DOCK3: variants seen among roughly 807,000 people sequenced by gnomAD.
DOCK3 encodes dedicator of cytokinesis 3, also known as dedicator of cytokinesis protein 3.
Under a neutral mutation model 265.6 loss-of-function variants are expected in DOCK3, and 60 were observed. That is an observed-to-expected ratio of 0.23 (90% CI 0.18 to 0.28). The LOEUF (loss-of-function observed/expected upper bound fraction) is 0.28, where lower values mean the gene tolerates loss of function less well. DOCK3 is among the 10% of genes least tolerant of loss of function. DOCK3 has a pLI of 1.00. For missense variants in DOCK3, 1,981 were observed against 2,594.3 expected, an observed-to-expected ratio of 0.76 and a Z score of 5.14; for synonymous variants, 881 against 938.0, an observed-to-expected ratio of 0.94 and a Z score of 1.11.
At chr3:51,315,603 C>G (rs2083319960) in intron 32 of DOCK3, among the ~76,000 whole-genome samples, 1 of 152,140 alleles carries the variant, frequency 6.6e-6, no homozygotes, top group African/African-American at 2.4e-5. Context: ...TGGCTTCAGG[C>G]TGTCCTCCTG....
chr3:51,157,449 T>G (rs2085907233), intron 10 of DOCK3, among the ~76,000 whole-genome samples: 1 of 152,170 alleles, frequency 6.6e-6, no homozygotes, highest in South Asian at 2.1e-4. Context: ...TTTCACCATG[T>G]TGGCCAGGCT....
chr3:50,724,482 A>G (rs2043105631), intron 1 of DOCK3, among the ~76,000 whole-genome samples: 1 of 152,254 alleles, frequency 6.6e-6, no homozygotes, highest in African/African-American at 2.4e-5. Flanking sequence ...AAAATGTAGC[A>G]CATATACACC....
rs777417594 is a variant in DOCK3, at chr3:51,075,352, C to A, written c.465-4C>A. 6.2e-7 allele frequency: 1 copy of A among 1,607,764 alleles called. No individual in the cohort carries two copies. Among genetic ancestry groups the A allele is most frequent in the South Asian group, 1.1e-5 (1 of 89,344 alleles). On this transcript the variant is annotated splice_region_variant and splice_polypyrimidine_tract_variant and intron_variant, in intron 6 of 52. Coordinates refer to ENST00000266037, the MANE Select transcript of DOCK3 (RefSeq NM_004947.5). ...ATACTGAGTGTGGTCTTTCTCTTTA[C>A]TAGACATTTGGGCCTGGACCTGGTG...
Position 51,281,274 on chromosome 3 carries a change from AATAT to A in DOCK3, c.2922+1099_2922+1102del, listed in dbSNP as rs56084027. 2.3e-3 allele frequency among the ~76,000 whole-genome samples: 284 copies of A among 125,504 alleles called. 2 individuals are homozygous for A. The highest frequency in any genetic ancestry group is 5.8e-3 in the East Asian group (27 of 4,642). 82.3% of individuals were successfully genotyped at this position (125,504 alleles called of 152,430 possible). A position where few individuals can be genotyped will look rare whatever the true frequency, so the allele number is the denominator to read the frequency against. On this transcript the variant is annotated intron_variant, in intron 27 of 52. Coordinates refer to ENST00000266037, the MANE Select transcript of DOCK3 (RefSeq NM_004947.5). The stretch of plus-strand genomic sequence containing the variant: ...ACACTAACGATAGCTGATGAGCTAA[AATAT>A]ATATATATATATATATATATATATA...
rs74864383 is a variant in DOCK3, at chr3:51,179,475, C to G, written c.1037+18773C>G. On this transcript the variant is annotated intron_variant, in intron 12 of 52. Transcript: ENST00000266037. ...GTAAACTAAGAATGTTATTCATTGC[C>G]ATTAGGAGGCCTAATGGATATCATA... is the stretch of plus-strand genomic sequence containing the variant. Among the ~76,000 whole-genome samples, 6 of 152,230 alleles carry G rather than the reference C, an allele frequency of 3.9e-5. No homozygotes were observed. The East Asian group carries it at 1.2e-3, about 29-fold the overall frequency.
chr3:50,978,519 C>T (rs566402257), intron 5 of DOCK3, among the ~76,000 whole-genome samples: 3 of 152,252 alleles, frequency 2.0e-5, no homozygotes, highest in Admixed American at 2.0e-4. Context: ...TCTCCAGCTG[C>T]GTACTGGGAG....
At chr3:50,982,811 G>A (rs7372046) in intron 5 of DOCK3, among the ~76,000 whole-genome samples, 125,785 of 152,090 alleles carry the variant, frequency 0.83, 52,643 homozygotes, top group East Asian at 0.95. Context: ...CCCAGCAAGG[G>A]GACCTGGAGC....
intron 9 of DOCK3, among the ~76,000 whole-genome samples, chr3:51,144,597 T>C (rs1208173593): frequency 6.6e-6 from 1 of 152,224 alleles, no homozygotes; most frequent in Non-Finnish European, 1.5e-5. Context: ...GTTCTTTGCA[T>C]GTTCCCTGCT....
At chr3:50,731,153 T>C (rs530090112) in intron 1 of DOCK3, among the ~76,000 whole-genome samples, 37 of 151,646 alleles carry the variant, frequency 2.4e-4, no homozygotes, top group Middle Eastern at 3.4e-3. Context: ...AAAAAGTTCC[T>C]TTTAAACATA....
At chr3:50,916,834 G>A (rs1575523619) in intron 4 of DOCK3, among the ~76,000 whole-genome samples, 1 of 143,340 alleles carries the variant, frequency 7.0e-6, no homozygotes, top group East Asian at 2.0e-4. Flanking sequence ...GCAACAGAGC[G>A]AGACTCCGTT....
At chr3:51,314,748 C>T (rs1015701189) in intron 31 of DOCK3, among the ~76,000 whole-genome samples, 1 of 152,166 alleles carries the variant, frequency 6.6e-6, no homozygotes, top group African/African-American at 2.4e-5. Context: ...TCAGGAAATT[C>T]TTTGGAAAAG....
At chr3:51,300,864 T>C (rs961053029) in intron 27 of DOCK3, among the ~76,000 whole-genome samples, 2 of 152,218 alleles carry the variant, frequency 1.3e-5, no homozygotes, top group African/African-American at 4.8e-5. Context: ...TGAAGTTTTC[T>C]TTTTCTTATT....
intron 51 of DOCK3, 33 bp from the exon 52 acceptor site, chr3:51,380,092 C>T (rs2088499297): frequency 6.2e-7 from 1 of 1,601,294 alleles, no homozygotes; most frequent in Non-Finnish European, 8.5e-7. Flanking sequence ...TGCAGGGCCC[C>T]CAGCTGAGGC....
At chr3:50,855,515 A>G (rs933443588) in intron 3 of DOCK3, among the ~76,000 whole-genome samples, 2 of 152,132 alleles carry the variant, frequency 1.3e-5, no homozygotes, top group Admixed American at 6.5e-5. Flanking sequence ...TGATTTTTGT[A>G]TCCTGAAACT....
chr3:51,172,530 C>G (rs1228396324), intron 12 of DOCK3, among the ~76,000 whole-genome samples: 1 of 152,154 alleles, frequency 6.6e-6, no homozygotes, highest in African/African-American at 2.4e-5. Context: ...CTCTTATAGG[C>G]AGCATATTGA....
At chr3:51,282,015 A>C (rs1246474542) in intron 27 of DOCK3, among the ~76,000 whole-genome samples, 1 of 152,218 alleles carries the variant, frequency 6.6e-6, no homozygotes, top group South Asian at 2.1e-4. Flanking sequence ...CAAAGGAGAT[A>C]GGGTTATTTA....
At chr3:51,345,919 T>C (rs1019986762) in intron 38 of DOCK3, among the ~76,000 whole-genome samples, 2 of 152,212 alleles carry the variant, frequency 1.3e-5, no homozygotes, top group African/African-American at 4.8e-5. Flanking sequence ...TTTCAAATAC[T>C]ATGGGGAGGA....
At chr3:51,285,407 G>A (rs2081350994) in intron 27 of DOCK3, among the ~76,000 whole-genome samples, 1 of 152,016 alleles carries the variant, frequency 6.6e-6, no homozygotes, top group Non-Finnish European at 1.5e-5. Flanking sequence ...TGTTCATAAA[G>A]ATGCTCACTG....
intron 12 of DOCK3, among the ~76,000 whole-genome samples, chr3:51,177,895 G>A (rs887523932): frequency 3.3e-5 from 5 of 151,920 alleles, no homozygotes; most frequent in African/African-American, 7.3e-5. Context: ...GGAGGCTGAA[G>A]CAAGATAATC....
Sources: gnomAD v4.1 joint callset for allele counts (sites outside exome capture counted in the v4.1 genomes callset) on GRCh38, gnomAD v4.1.1 for gene constraint, MANE v1.5 for transcripts, NCBI Gene and HGNC (gene_info 2026-07-23, HGNC 2026-07-21) for gene names.